The following CACNA1S variants were observed in gnomAD, a reference collection of about 807,000 sequenced individuals.
CACNA1S encodes calcium voltage-gated channel subunit alpha1 S.
A neutral mutation model predicts 207.4 loss-of-function variants in CACNA1S; 126 were observed. The ratio of observed to expected loss-of-function variants is 0.61; its 90% CI spans 0.53 to 0.70. The LOEUF (loss-of-function observed/expected upper bound fraction) is 0.70. Ranked by LOEUF, CACNA1S falls within the 30% of genes least tolerant of loss-of-function variation. The pLI, the probability that CACNA1S is intolerant of heterozygous loss-of-function variation, is 0.00. For synonymous variants in CACNA1S, 960 were observed against 932.7 expected, an observed-to-expected ratio of 1.03 and a Z score of -0.53; for missense variants, 2,349 against 2,422.8, an observed-to-expected ratio of 0.97 and a Z score of 0.64.
chr1:201,070,168 A>G, intron 17 of CACNA1S, 104 bp downstream of exon 17: 1 of 1,243,532 alleles, frequency 8.0e-7, no homozygotes, highest in East Asian at 2.3e-5. Flanking sequence ...TGAGTTTCTC[A>G]TAGTATAACT....
intron 2 of CACNA1S, among the ~76,000 whole-genome samples, chr1:201,097,462 C>T (rs2102172619): frequency 6.6e-6 from 1 of 152,302 alleles, no homozygotes; most frequent in African/African-American, 2.4e-5. Context: ...CTCATCCCGG[C>T]CCCTCTGCCC....
intron 41 of CACNA1S, among the ~76,000 whole-genome samples, chr1:201,041,225 G>T (rs1223468995): frequency 6.6e-6 from 1 of 152,140 alleles, no homozygotes; most frequent in African/African-American, 2.4e-5. Context: ...GGTGTAGGGG[G>T]CTGTGTGAGT....
chr1:201,073,130 C>A (rs999486965), intron 15 of CACNA1S, among the ~76,000 whole-genome samples: 4 of 152,194 alleles, frequency 2.6e-5, no homozygotes, highest in African/African-American at 7.2e-5. Context: ...GGACCTCGAG[C>A]CTCTCTGGGC....
At chr1:201,050,584 T>A in intron 33 of CACNA1S, 68 bp from the exon 34 acceptor site, 1 of 1,597,246 alleles carries the variant, frequency 6.3e-7, no homozygotes, top group Non-Finnish European at 8.6e-7. Flanking sequence ...GTGGGGGAGC[T>A]GGGAGGTGTC....
At chr1:201,098,501 A>C (rs1165058699) in intron 2 of CACNA1S, among the ~76,000 whole-genome samples, 2 of 152,060 alleles carry the variant, frequency 1.3e-5, no homozygotes, top group East Asian at 3.9e-4. Flanking sequence ...GCCATGATGG[A>C]GTAGAAATTA....
intron 29 of CACNA1S, 93 bp downstream of exon 29, chr1:201,054,412 C>A (rs1660761431): frequency 2.3e-6 from 3 of 1,323,984 alleles, no homozygotes; most frequent in Non-Finnish European, 3.3e-6. Context: ...TGCTGATCCA[C>A]CCCATGCAAT....
chr1:201,075,981 T>C (rs983204099), intron 12 of CACNA1S, among the ~76,000 whole-genome samples: 1 of 152,102 alleles, frequency 6.6e-6, no homozygotes, highest in African/African-American at 2.4e-5. Flanking sequence ...GGTAGGAGAA[T>C]TGCTTGAACC....
In CACNA1S at chr1:201,044,331, G is replaced by C. The variant is rs1222269385; in HGVS notation, c.4794C>G (p.Phe1598Leu). ...MVEAAMEEGI[F>L]RRTGGLFGQV... ...GGTGCTCCTGGCTCTCCCTCACCCG[G>C]AATATTCCCTCCTCCATCGCAGCCT... is the stretch of plus-strand genomic sequence containing the variant. The change falls in exon 39 of 44, where the codon TTC becomes TTG. Residue 1598 changes from phenylalanine to leucine, a missense_variant. Transcript: ENST00000362061. The C allele has an allele frequency of 6.2e-7, 1 of 1,613,320 alleles. No individual in the cohort carries two copies. The highest frequency in any genetic ancestry group is 1.1e-5 in the South Asian group (1 of 91,064).
chr1:201,070,767 C>G (rs1232333641), intron 16 of CACNA1S, among the ~76,000 whole-genome samples: 2 of 152,112 alleles, frequency 1.3e-5, no homozygotes, highest in Non-Finnish European at 2.9e-5. Context: ...GACCTGGGTC[C>G]TAGTCCCAGG....
chr1:201,043,076 T>A, intron 40 of CACNA1S: 2 of 605,724 alleles, frequency 3.3e-6, no homozygotes, highest in Non-Finnish European at 5.9e-6. Flanking sequence ...AATACTGACA[T>A]GATGTGAGGC....
Position 201,053,149 on chromosome 1 carries a change from T to C in CACNA1S, c.3861+60A>G. The C allele has an allele frequency of 6.3e-7, 1 of 1,581,884 alleles. No individual in the cohort carries two copies. Among genetic ancestry groups the C allele is most frequent in the Non-Finnish European group, 8.7e-7 (1 of 1,150,776 alleles). ...GCTGCTCAGGCTCCTCAGGGTCCAC[T>C]GATGCCCCCTCTAACTTGGCCAAGA... is the stretch of plus-strand genomic sequence containing the variant. On this transcript the variant is annotated intron_variant, in intron 31 of 43. Coordinates refer to ENST00000362061, the MANE Select transcript of CACNA1S (RefSeq NM_000069.3). The surrounding 1 kb of genome is among the most constrained non-coding windows in gnomAD (Gnocchi z 5.1).
Position 201,039,642 on chromosome 1 carries a change from G to A in CACNA1S, c.*189C>T, listed in dbSNP as rs1318813298. On this transcript the variant is annotated 3_prime_UTR_variant, in exon 44 of 44. Transcript: ENST00000362061. Reference sequence around the variant, plus strand: ...CCAATCATGCCTCTTGCTGGTGAGGGGCAGGGCCTGTCCAGCTACTTCCTC... The same window carrying A: ...CCAATCATGCCTCTTGCTGGTGAGGAGCAGGGCCTGTCCAGCTACTTCCTC... 5 of 678,084 alleles carry A rather than the reference G, an allele frequency of 7.4e-6. No individual in the cohort carries two copies. The African/African-American group carries it at 8.9e-5, about 12-fold the overall frequency. 42.0% of individuals were successfully genotyped at this position (678,084 alleles called of 1,614,324 possible).
intron 35 of CACNA1S, 23 bp downstream of exon 35, chr1:201,048,980 C>A (rs1261813281): frequency 6.3e-7 from 1 of 1,588,110 alleles, no homozygotes; most frequent in East Asian, 2.2e-5. Flanking sequence ...CTGGGGCCAC[C>A]CATCCCTGGC....
At chr1:201,109,043 T>C (rs1663002167) in intron 2 of CACNA1S, among the ~76,000 whole-genome samples, 1 of 151,898 alleles carries the variant, frequency 6.6e-6, no homozygotes, top group Non-Finnish European at 1.5e-5. Context: ...AGGTCAGGAG[T>C]TCGAGGCCAG....
chr1:201,044,509 GA>G, intron 38 of CACNA1S, 53 bp from the exon 39 acceptor site: 1 of 1,598,212 alleles, frequency 6.3e-7, no homozygotes, highest in Non-Finnish European at 8.5e-7. Context: ...GAGGAGACCA[GA>G]ACCACTTTTT....
intron 6 of CACNA1S, among the ~76,000 whole-genome samples, chr1:201,088,669 A>G (rs1206081530): frequency 6.6e-6 from 1 of 152,138 alleles, no homozygotes; most frequent in Non-Finnish European, 1.5e-5. Flanking sequence ...TTATCTGTAA[A>G]ATGGGAGCAA....
Position 201,049,563 on chromosome 1 carries a change from G to T in CACNA1S, c.4242-464C>A, listed in dbSNP as rs138110695. Among the ~76,000 whole-genome samples, 47 of 152,250 alleles carry T rather than the reference G, an allele frequency of 3.1e-4. No homozygotes were observed. In the East Asian group the frequency reaches 4.8e-3, roughly 16 times the overall value. On this transcript the variant is annotated intron_variant, in intron 34 of 43. Transcript: ENST00000362061. ...ATAGACATAAAACAGAACAACCAGG[G>T]AGGTCAGATCAAAAGACAAGCATGG...
intron 10 of CACNA1S, 24 bp from the exon 11 acceptor site, chr1:201,078,128 C>G: frequency 6.5e-7 from 1 of 1,544,444 alleles, no homozygotes; most frequent in South Asian, 1.1e-5. Flanking sequence ...GGCACAGCCC[C>G]GGCATCACTC....
chr1:201,039,564 C>T lies in CACNA1S; in HGVS notation c.*267G>A, dbSNP rs1660033670. ...TAATGTCCTGCAGGTGGGAGTGGCC[C>T]TAGGCCAGACAGGCACTGACCAGGC... On this transcript the variant is annotated 3_prime_UTR_variant, in exon 44 of 44. Coordinates refer to ENST00000362061, the MANE Select transcript of CACNA1S (RefSeq NM_000069.3). 1 of 562,712 alleles carries T rather than the reference C, an allele frequency of 1.8e-6. No individual in the cohort carries two copies. The highest frequency in any genetic ancestry group is 1.9e-5 in the African/African-American group (1 of 53,122). 34.9% of individuals were successfully genotyped at this position (562,712 alleles called of 1,614,324 possible).
Sources: allele counts gnomAD v4.1 joint callset (sites outside exome capture counted in the v4.1 genomes callset), GRCh38; gene constraint gnomAD v4.1.1; non-coding constraint Gnocchi (gnomAD v3.1); transcripts MANE v1.5; gene names NCBI Gene and HGNC (gene_info 2026-07-23, HGNC 2026-07-21).